The following CSGALNACT1 variants were observed in gnomAD, a reference collection of about 807,000 sequenced individuals.
The protein encoded by CSGALNACT1 is chondroitin sulfate N-acetylgalactosaminyltransferase 1, also known as beta4GalNAcT-1.
A neutral mutation model predicts 51.0 loss-of-function variants in CSGALNACT1; 52 were observed. The observed-to-expected ratio is 1.02, with a 90% CI of 0.82 to 1.29. The LOEUF is 1.29. Ranked by LOEUF, CSGALNACT1 falls within the 50% of genes most tolerant of loss-of-function variation. CSGALNACT1 has a pLI of 0.00. For synonymous variants in CSGALNACT1, 341 were observed against 254.4 expected (o/e 1.34, Z -3.24); for missense variants, 935 against 679.2 (o/e 1.38, Z -4.19).
At chr8:19,557,205 C>G (rs1204055579) in intron 3 of CSGALNACT1, among the ~76,000 whole-genome samples, 1 of 152,190 alleles carries the variant, frequency 6.6e-6, no homozygotes, top group Non-Finnish European at 1.5e-5. Flanking sequence ...ACAACCTCAT[C>G]CTACCCAGAA....
chr8:19,697,859 G>A (rs1027419449), intron 1 of CSGALNACT1, among the ~76,000 whole-genome samples: 10 of 152,194 alleles, frequency 6.6e-5, no homozygotes, highest in East Asian at 1.9e-4. Flanking sequence ...AGAGGGTAAC[G>A]TGAATTAGAA....
chr8:19,478,086 G>T (rs1031699434), intron 4 of CSGALNACT1, among the ~76,000 whole-genome samples: 8 of 152,074 alleles, frequency 5.3e-5, no homozygotes, highest in African/African-American at 1.7e-4. Flanking sequence ...TGCAACTGTG[G>T]TTACACAGTG....
chr8:19,459,801 A>C (rs1463680195), intron 4 of CSGALNACT1, among the ~76,000 whole-genome samples: 2 of 152,172 alleles, frequency 1.3e-5, no homozygotes. Flanking sequence ...ACCCTCGATA[A>C]ATGTTAGCCA....
chr8:19,719,681 T>C (rs1032306027), intron 1 of CSGALNACT1, among the ~76,000 whole-genome samples: 1 of 152,212 alleles, frequency 6.6e-6, no homozygotes, highest in Admixed American at 6.5e-5. Flanking sequence ...ACGTCCACAG[T>C]TAAAGCCACT....
chr8:19,455,755 C>A (rs910847297), intron 5 of CSGALNACT1, among the ~76,000 whole-genome samples: 1 of 152,216 alleles, frequency 6.6e-6, no homozygotes, highest in African/African-American at 2.4e-5. Context: ...GCTGTCCTGG[C>A]CAGATTCTCT....
intron 3 of CSGALNACT1, among the ~76,000 whole-genome samples, chr8:19,543,127 A>G (rs1303495314): frequency 6.6e-6 from 1 of 152,204 alleles, no homozygotes; most frequent in African/African-American, 2.4e-5. Context: ...CGGAGTTTTC[A>G]AAACTAGATG....
At chr8:19,578,449 G>A (rs139597460) in intron 3 of CSGALNACT1, among the ~76,000 whole-genome samples, 74 of 152,272 alleles carry the variant, frequency 4.9e-4, no homozygotes, top group African/African-American at 1.7e-3. Context: ...TCTTGCGTGT[G>A]GAGTGAATCA....
At chr8:19,540,489 C>G (rs961843657) in intron 3 of CSGALNACT1, among the ~76,000 whole-genome samples, 2 of 152,194 alleles carry the variant, frequency 1.3e-5, no homozygotes, top group Non-Finnish European at 2.9e-5. Context: ...CTTATAAACA[C>G]TTGTTTTGAA....
chr8:19,532,750 A>C (rs1030435075), intron 3 of CSGALNACT1, among the ~76,000 whole-genome samples: 1 of 152,198 alleles, frequency 6.6e-6, no homozygotes, highest in Non-Finnish European at 1.5e-5. Flanking sequence ...ACACATGTTC[A>C]GGCTGGTTAA....
chr8:19,709,277 A>C (rs1347666520), intron 1 of CSGALNACT1, among the ~76,000 whole-genome samples: 1 of 152,232 alleles, frequency 6.6e-6, no homozygotes, highest in African/African-American at 2.4e-5. Context: ...TCTTGATATC[A>C]GAATTCATTC....
intron 3 of CSGALNACT1, among the ~76,000 whole-genome samples, chr8:19,563,188 A>T (rs781773180): frequency 2.0e-5 from 3 of 152,222 alleles, no homozygotes; most frequent in Non-Finnish European, 4.4e-5. Flanking sequence ...CAGAAAGGCA[A>T]ACACTGCATA....
chr8:19,655,579 C>CACAT (rs377123745), intron 1 of CSGALNACT1, among the ~76,000 whole-genome samples: 1 of 111,830 alleles, frequency 8.9e-6, no homozygotes, highest in Non-Finnish European at 1.9e-5. Context: ...CACACACACA[C>CACAT]ATATATATAT....
chr8:19,541,062 T>A (rs2084991841), intron 3 of CSGALNACT1, among the ~76,000 whole-genome samples: 2 of 152,026 alleles, frequency 1.3e-5, no homozygotes, highest in Non-Finnish European at 2.9e-5. Context: ...GGCAAAATTA[T>A]ACTAATGTAT....
At chr8:19,649,702 T>A (rs946588109) in intron 1 of CSGALNACT1, among the ~76,000 whole-genome samples, 1 of 151,176 alleles carries the variant, frequency 6.6e-6, no homozygotes, top group Non-Finnish European at 1.5e-5. Flanking sequence ...CCTACTGCCA[T>A]GGGTGAGGGT....
At chr8:19,744,450 C>T (rs1277829228) in intron 1 of CSGALNACT1, among the ~76,000 whole-genome samples, 4 of 152,198 alleles carry the variant, frequency 2.6e-5, no homozygotes, top group Non-Finnish European at 5.9e-5. Context: ...ATGTCCAACA[C>T]GTCCCTTATA....
intron 3 of CSGALNACT1, among the ~76,000 whole-genome samples, chr8:19,530,784 T>C (rs2082618706): frequency 6.6e-6 from 1 of 152,174 alleles, no homozygotes. Context: ...GTAAGACTAT[T>C]TACCTGAAGT....
chr8:19,485,808 C>G (rs1290801410), intron 4 of CSGALNACT1, among the ~76,000 whole-genome samples: 1 of 105,444 alleles, frequency 9.5e-6, no homozygotes, highest in African/African-American at 3.3e-5. Flanking sequence ...CTCTTGCTGC[C>G]CAGGCTGAAG....
At chr8:19,435,545 C>T (rs543012660) in intron 6 of CSGALNACT1, among the ~76,000 whole-genome samples, 56 of 151,612 alleles carry the variant, frequency 3.7e-4, no homozygotes, top group Non-Finnish European at 7.1e-4. Context: ...TCTAAAGCAG[C>T]ATTTCTCACA....
chr8:19,499,361 A>C (rs1351833472), intron 4 of CSGALNACT1, among the ~76,000 whole-genome samples: 1 of 152,192 alleles, frequency 6.6e-6, no homozygotes, highest in Admixed American at 6.5e-5. Flanking sequence ...ACTGAGCCTC[A>C]CTCAGCTTTG....
Sources: allele counts gnomAD v4.1 joint callset (sites outside exome capture counted in the v4.1 genomes callset), GRCh38; gene constraint gnomAD v4.1.1; transcripts MANE v1.5; gene names NCBI Gene and HGNC (gene_info 2026-07-23, HGNC 2026-07-21).